Variants in OTUD4 observed in about 807,000 individuals in gnomAD.
OTUD4 encodes OTU deubiquitinase 4, also known as OTU domain-containing protein 4.
A neutral mutation model predicts 130.4 loss-of-function variants in OTUD4; 24 were observed. The observed-to-expected ratio is 0.18, with a 90% confidence interval of 0.13 to 0.26. The LOEUF is 0.26. Among genes scored for constraint, OTUD4 ranks in the 10% least tolerant of loss-of-function variants. The pLI is 1.00. For synonymous variants in OTUD4, 420 were observed against 472.5 expected (o/e 0.89, Z 1.44); for missense variants, 1,031 against 1,329.4 (o/e 0.78, Z 3.49).
rs1750146863 is a variant in OTUD4 at position 145,134,563 on chromosome 4, T to C, written c.*2867A>G. The C allele has an allele frequency of 2.5e-6, 1 of 397,062 alleles. No individual in the cohort carries two copies. Among genetic ancestry groups the C allele is most frequent in the South Asian group, 1.4e-4 (1 of 7,024 alleles). 24.6% of individuals were successfully genotyped at this position (397,062 alleles called of 1,614,324 possible). A position where few individuals can be genotyped will look rare whatever the true frequency, so the allele number is the denominator to read the frequency against. On this transcript the variant is annotated 3_prime_UTR_variant, in exon 21 of 21. Transcript: ENST00000447906. ...CAAAGGAAACAACACGCTGCAAGAA[T>C]ACAGTCTGCATTAAATAAGATATAT...
intron 11 of OTUD4, among the ~76,000 whole-genome samples, 171 bp downstream of exon 11, chr4:145,152,370 C>T (rs1277087391): frequency 2.0e-5 from 3 of 152,162 alleles, no homozygotes; most frequent in African/African-American, 7.2e-5. Flanking sequence ...CTCGGCCTCC[C>T]AAAGTGCTAG....
chr4:145,144,457 C>T lies in OTUD4; in HGVS notation c.1423-23G>A, dbSNP rs181144444. On this transcript the variant is annotated intron_variant, in intron 14 of 20. Transcript: ENST00000447906. The stretch of plus-strand genomic sequence containing the variant: ...GCTCTTTAAAATGAACAAAACCCAA[C>T]ATTTTGTGTTAAAGATTTACCCACA... 6.9e-5 allele frequency: 111 copies of T among 1,601,504 alleles called. 1 individual carries two copies. In the East Asian group the frequency reaches 2.5e-3, roughly 36 times the overall value.
Position 145,146,412 on chromosome 4 carries a change from CT to C in OTUD4, c.1276del (p.Arg426GlufsTer28). ...ACTTGTGTGATCAAAATCCTCAACT[CT>C]TTCACGATCAGGTTTTCTGTCAAAT... ...SQIIRKPDRE[R>X]VEDFDHTSRE... is the part of the protein sequence containing the mutation. On this transcript the variant is annotated frameshift_variant, in exon 14 of 21. Coordinates refer to ENST00000447906, the MANE Select transcript of OTUD4 (RefSeq NM_001366057.1). LOFTEE classifies it high-confidence loss of function. 1 of 1,556,146 alleles carries C rather than the reference CT, an allele frequency of 6.4e-7. No homozygotes were observed. Among genetic ancestry groups the C allele is most frequent in the Non-Finnish European group, 8.6e-7 (1 of 1,156,160 alleles).
Position 145,159,616 on chromosome 4 carries a change from C to A in OTUD4, c.516G>T (p.Leu172=). ...CATCAGTTTTAAATACCTTCTCATA[C>A]AGCAATTCATAAAGGAGAGCTGCAA... ...AMCQSLLYEL[L]YEKVFKTDVS... The change falls in exon 7 of 21, where the codon CTG becomes CTT. Residue 172 remains leucine (L), a synonymous_variant. Coordinates refer to ENST00000447906, the MANE Select transcript of OTUD4 (RefSeq NM_001366057.1). The A allele has an allele frequency of 1.2e-6, 2 of 1,613,118 alleles. No individual in the cohort carries two copies. The highest frequency in any genetic ancestry group is 8.5e-7 in the Non-Finnish European group (1 of 1,179,502).
Position 145,143,429 on chromosome 4 carries a change from T to G in OTUD4, c.1619A>C (p.Lys540Thr), listed in dbSNP as rs1262410062. 1.9e-6 allele frequency: 3 copies of G among 1,607,628 alleles called. No individual in the cohort carries two copies. The highest frequency in any genetic ancestry group is 1.7e-5 in the Admixed American group (1 of 59,854). Residue 540 changes from lysine to threonine, a missense_variant, in exon 17 of 21, where the codon AAA becomes ACA. Lys to Thr is a moderately conservative substitution (Grantham distance 78). This residue lies in a region of OTUD4 where 900 missense variants were observed against 1,095.9 expected (regional missense o/e 0.82). Transcript: ENST00000447906. ...PSTLENITDD[K>T]YATVSSPSKS... Reference sequence around the variant, plus strand: ...TGATGGTGATGAAACTGTTGCATATTTATCATCAGTAATATTCTTTGGAAG... The same window carrying G: ...TGATGGTGATGAAACTGTTGCATATGTATCATCAGTAATATTCTTTGGAAG...
chr4:145,173,054 T>C (rs1752253774), intron 2 of OTUD4, among the ~76,000 whole-genome samples: 1 of 152,096 alleles, frequency 6.6e-6, no homozygotes, highest in South Asian at 2.1e-4. Flanking sequence ...AAAGTGAAAC[T>C]TTTCCCCATG....
At chr4:145,176,825 T>C (rs1246803151) in intron 1 of OTUD4, among the ~76,000 whole-genome samples, 1 of 152,222 alleles carries the variant, frequency 6.6e-6, no homozygotes, top group African/African-American at 2.4e-5. Flanking sequence ...CCAAGGCTCA[T>C]TTATACCCAC....
At chr4:145,177,603 G>C (rs1752488788) in intron 1 of OTUD4, among the ~76,000 whole-genome samples, 1 of 152,188 alleles carries the variant, frequency 6.6e-6, no homozygotes, top group South Asian at 2.1e-4. Context: ...ATAAATACTG[G>C]GAAAGGCTGA....
intron 19 of OTUD4, 46 bp from the exon 20 acceptor site, chr4:145,140,037 ATTTT>A (rs1234875778): frequency 3.3e-6 from 2 of 597,718 alleles, no homozygotes. Context: ...ATCTGCAGAG[ATTTT>A]TTTAAATCAT....
chr4:145,177,868 T>C (rs1332040985), intron 1 of OTUD4, among the ~76,000 whole-genome samples: 3 of 152,232 alleles, frequency 2.0e-5, no homozygotes, highest in Non-Finnish European at 2.9e-5. Flanking sequence ...ATAGGAGAAA[T>C]TGTTGGCAAA....
chr4:145,174,875 T>C, intron 1 of OTUD4, 131 bp from the exon 2 acceptor site: 1 of 610,980 alleles, frequency 1.6e-6, no homozygotes, highest in Non-Finnish European at 3.0e-6. Context: ...CTTTCTATAA[T>C]TTCGATATCT....
chr4:145,152,661 G>C (rs761189518), intron 10 of OTUD4, 26 bp from the exon 11 acceptor site: 1 of 1,335,014 alleles, frequency 7.5e-7, no homozygotes, highest in South Asian at 1.3e-5. Context: ...AAAATGAAAA[G>C]GAAAAAAAAA....
chr4:145,142,873 A>C (rs1397385172), intron 17 of OTUD4, among the ~76,000 whole-genome samples: 3 of 152,230 alleles, frequency 2.0e-5, no homozygotes, highest in East Asian at 3.8e-4. Context: ...CAAGAACTAA[A>C]ATGTCTGCTA....
chr4:145,168,358 CAA>C (rs1751978525), intron 3 of OTUD4, among the ~76,000 whole-genome samples: 1 of 130,326 alleles, frequency 7.7e-6, no homozygotes, highest in Admixed American at 8.8e-5. Flanking sequence ...CCAGCCTGGG[CAA>C]CAGAGCAAAA....
chr4:145,145,737 T>C (rs1750789175), intron 14 of OTUD4, among the ~76,000 whole-genome samples: 1 of 152,194 alleles, frequency 6.6e-6, no homozygotes, highest in Non-Finnish European at 1.5e-5. Flanking sequence ...AGTTTTCCCT[T>C]CTGACTTCCC....
At chr4:145,146,094 G>C (rs531088803) in intron 14 of OTUD4, 173 bp downstream of exon 14, 13 of 426,966 alleles carry the variant, frequency 3.0e-5, no homozygotes, top group African/African-American at 2.7e-4. Flanking sequence ...TAGGTCTAGA[G>C]ATATTACTAA....
rs970947172 is a variant in OTUD4, at chr4:145,155,970, T to G, written c.656A>C (p.Asp219Ala). 12 of 1,606,648 alleles carry G rather than the reference T, an allele frequency of 7.5e-6. No homozygotes were observed. Among genetic ancestry groups the G allele is most frequent in the South Asian group, 1.1e-5 (1 of 90,362 alleles). The change falls in exon 8 of 21, where the codon GAT (aspartate) becomes GCT (alanine). Residue 219 changes from aspartate to alanine, a missense_variant. By Grantham distance (126) the Asp-to-Ala change is moderately radical. Around this residue, in one of 3 missense-constraint regions of OTUD4, gnomAD observed 900 missense variants for 1,095.9 expected, o/e 0.82. Transcript: ENST00000447906. The part of the protein sequence containing the change: ...CKSKTAAAAA[D>A]VNGFKPLSGN... ...TGACAAAGGTTTAAATCCATTCACA[T>G]CAGCAGCAGCAGCAGCAGTCTTACT...
At position 145,137,932 on chromosome 4, in the gene OTUD4, G is replaced by C. The variant is rs201617367; in HGVS notation, c.2843C>G (p.Thr948Arg). 6.8e-6 allele frequency: 11 copies of C among 1,614,124 alleles called. No homozygotes were observed. The highest frequency in any genetic ancestry group is 1.6e-4 in the Middle Eastern group (1 of 6,062). Residue 948 changes from threonine (T) to arginine (R), a missense_variant, in exon 21 of 21, where the codon ACG becomes AGG. This residue lies in a region of OTUD4 where 900 missense variants were observed against 1,095.9 expected (regional missense o/e 0.82). Transcript: ENST00000447906. ...EQSSQTRKADTALASIPPVAE... is the reference protein window; with the variant it reads ...EQSSQTRKADRALASIPPVAE... ...TACAGGAGGGATGGAAGCCAATGCC[G>C]TATCTGCCTTTCGTGTCTGGGAAGA...
rs747474856 is a variant in OTUD4 at position 145,138,095 on chromosome 4, G to T, written c.2680C>A (p.Leu894Met). The part of the protein sequence containing the change: ...SDEKGELDLS[L>M]ENLDLSKDCG... Reference sequence around the variant, plus strand: ...TCTTTAGACAGATCCAGATTTTCCAGAGACAGATCCAATTCTCCTTTTTCA... The same window carrying T: ...TCTTTAGACAGATCCAGATTTTCCATAGACAGATCCAATTCTCCTTTTTCA... The change falls in exon 21 of 21, where the codon CTG becomes ATG. Residue 894 changes from leucine to methionine, a missense_variant. Around this residue, in one of 3 missense-constraint regions of OTUD4, gnomAD observed 900 missense variants for 1,095.9 expected, o/e 0.82. Coordinates refer to ENST00000447906, the MANE Select transcript of OTUD4 (RefSeq NM_001366057.1). 1 of 1,614,096 alleles carries T rather than the reference G, an allele frequency of 6.2e-7. No individual in the cohort carries two copies. Among genetic ancestry groups the T allele is most frequent in the Non-Finnish European group, 8.5e-7 (1 of 1,179,958 alleles).
Sources: allele counts gnomAD v4.1 joint callset (sites outside exome capture counted in the v4.1 genomes callset), GRCh38; gene constraint gnomAD v4.1.1; regional missense constraint gnomAD v4.1.1; transcripts MANE v1.5; gene names NCBI Gene and HGNC (gene_info 2026-07-23, HGNC 2026-07-21).